Variants in PDE1A observed in about 807,000 individuals in gnomAD.
The protein encoded by PDE1A is dual specificity calcium/calmodulin-dependent 3',5'-cyclic nucleotide phosphodiesterase 1A.
In PDE1A, 35 loss-of-function variants were observed where a neutral mutation model predicts 61.7. The observed-to-expected ratio is 0.57, with a 90% confidence interval of 0.43 to 0.75. PDE1A has a LOEUF of 0.75. Among genes scored for constraint, PDE1A ranks in the 30% least tolerant of loss-of-function variants. PDE1A has a pLI of 0.00. For missense variants in PDE1A, 597 were observed against 630.6 expected (o/e 0.95, Z 0.57); for synonymous variants, 232 against 213.2 (o/e 1.09, Z -0.77).
chr2:182,222,508 A>G (rs1207436335), intron 7 of PDE1A, among the ~76,000 whole-genome samples: 4 of 152,038 alleles, frequency 2.6e-5, no homozygotes, highest in Non-Finnish European at 4.4e-5. Context: ...CATAGAACCC[A>G]TAATGCAAAG....
the PDE1A span, among the ~76,000 whole-genome samples, chr2:182,631,964 C>G: frequency 2.0e-5 from 3 of 152,194 alleles, no homozygotes; most frequent in Non-Finnish European, 4.4e-5. Flanking sequence ...TGAGATATAG[C>G]TGAATCAGAT....
chr2:182,555,266 T>G, the PDE1A span, among the ~76,000 whole-genome samples: 2 of 152,238 alleles, frequency 1.3e-5, no homozygotes, highest in African/African-American at 2.4e-5. Context: ...CTACCTGAGT[T>G]AATTACATCA....
intron 1 of PDE1A, among the ~76,000 whole-genome samples, chr2:182,360,610 T>C (rs1398457134): frequency 6.6e-6 from 1 of 151,320 alleles, no homozygotes; most frequent in Non-Finnish European, 1.5e-5. Flanking sequence ...CTATGACGCA[T>C]GTAGAGACCT....
At chr2:182,376,000 A>T (rs933240269) in intron 1 of PDE1A, among the ~76,000 whole-genome samples, 3 of 152,218 alleles carry the variant, frequency 2.0e-5, no homozygotes, top group African/African-American at 7.2e-5. Context: ...CCCAGGCTGC[A>T]AGCAGCATGG....
At chr2:182,284,831 TATA>T (rs1419733180) in intron 1 of PDE1A, among the ~76,000 whole-genome samples, 1 of 152,256 alleles carries the variant, frequency 6.6e-6, no homozygotes, top group Non-Finnish European at 1.5e-5. Flanking sequence ...GCACTTTACA[TATA>T]ATAATTCCTT....
intron 13 of PDE1A, among the ~76,000 whole-genome samples, chr2:182,170,116 T>C (rs928993617): frequency 2.0e-5 from 3 of 152,044 alleles, no homozygotes; most frequent in Non-Finnish European, 4.4e-5. Context: ...CAACCCATCA[T>C]AATTAACTTC....
chr2:182,188,477 G>T (rs1685427238), intron 11 of PDE1A, among the ~76,000 whole-genome samples: 1 of 152,208 alleles, frequency 6.6e-6, no homozygotes, highest in Admixed American at 6.5e-5. Context: ...AAATACAGAT[G>T]ATAAGAATGA....
intron 1 of PDE1A, among the ~76,000 whole-genome samples, chr2:182,374,976 C>A (rs529776357): frequency 1.2e-3 from 176 of 152,232 alleles, no homozygotes; most frequent in African/African-American, 4.1e-3. Context: ...AAAGTGGAAA[C>A]CCCTCATAAA....
At chr2:182,177,889 A>G (rs537756789) in intron 13 of PDE1A, among the ~76,000 whole-genome samples, 74 of 152,306 alleles carry the variant, frequency 4.9e-4, no homozygotes, top group African/African-American at 1.7e-3. Context: ...AATTCAAAGA[A>G]AAAAATAAGC....
the PDE1A span, among the ~76,000 whole-genome samples, chr2:182,552,475 C>T: frequency 1.8e-5 from 2 of 113,278 alleles, no homozygotes; most frequent in Admixed American, 1.0e-4. Context: ...AACAGAGTGT[C>T]GCTCTGTCAC....
At chr2:182,199,067 C>T (rs779520427) in intron 10 of PDE1A, among the ~76,000 whole-genome samples, 2 of 151,808 alleles carry the variant, frequency 1.3e-5, no homozygotes, top group Non-Finnish European at 3.0e-5. Flanking sequence ...TTTCTTGTGT[C>T]TGTTTTGGTA....
chr2:182,382,494 A>G (rs943366462), intron 1 of PDE1A, among the ~76,000 whole-genome samples: 2 of 152,210 alleles, frequency 1.3e-5, no homozygotes, highest in African/African-American at 4.8e-5. Context: ...AAGCTTCCAG[A>G]TAAGAGCCCA....
chr2:182,516,330 C>A (rs1422095769), intron 2 of PDE1A, among the ~76,000 whole-genome samples: 2 of 152,122 alleles, frequency 1.3e-5, no homozygotes, highest in African/African-American at 4.8e-5. Flanking sequence ...CCTACTTTTT[C>A]TTCTGCCTCT....
At chr2:182,536,135 C>T in the PDE1A span, among the ~76,000 whole-genome samples, 2 of 152,286 alleles carry the variant, frequency 1.3e-5, no homozygotes, top group South Asian at 2.1e-4. Context: ...GAGCAGATTA[C>T]AATCTAAACT....
At chr2:182,192,294 C>T (rs1319488931) in intron 10 of PDE1A, among the ~76,000 whole-genome samples, 1 of 152,068 alleles carries the variant, frequency 6.6e-6, no homozygotes, top group East Asian at 1.9e-4. Flanking sequence ...CTTCCTGTAC[C>T]TCACAATTAA....
chr2:182,666,638 A>G, the PDE1A span, among the ~76,000 whole-genome samples: 1 of 152,044 alleles, frequency 6.6e-6, no homozygotes, highest in African/African-American at 2.4e-5. Flanking sequence ...AGACAATAAC[A>G]TACTCAAAAG....
At chr2:182,299,706 T>G (rs1048386277) in intron 1 of PDE1A, among the ~76,000 whole-genome samples, 2 of 152,054 alleles carry the variant, frequency 1.3e-5, no homozygotes, top group African/African-American at 2.4e-5. Context: ...AGTATACAAC[T>G]GCTGAAATGA....
At chr2:182,529,479 C>T in the PDE1A span, among the ~76,000 whole-genome samples, 1 of 152,208 alleles carries the variant, frequency 6.6e-6, no homozygotes, top group Non-Finnish European at 1.5e-5. Context: ...AGGGACTTGC[C>T]TTGTCTCAGA....
At chr2:182,585,597 A>G in the PDE1A span, among the ~76,000 whole-genome samples, 20 of 152,232 alleles carry the variant, frequency 1.3e-4, 1 homozygote, top group Admixed American at 1.2e-3. Flanking sequence ...TACACTTTCT[A>G]TTCCCCACCC....
Sources: allele counts gnomAD v4.1 joint callset (sites outside exome capture counted in the v4.1 genomes callset), GRCh38; gene constraint gnomAD v4.1.1; transcripts MANE v1.5; gene names NCBI Gene and HGNC (gene_info 2026-07-23, HGNC 2026-07-21).